The following ATP6V1C2 variants were observed in gnomAD, a reference collection of about 807,000 sequenced individuals.
ATP6V1C2 encodes the protein V-type proton ATPase subunit C 2.
In ATP6V1C2, 45 loss-of-function variants were observed where a neutral mutation model predicts 56.8. That is an observed-to-expected ratio of 0.79 (90% CI 0.62 to 1.02). The LOEUF (loss-of-function observed/expected upper bound fraction) is 1.02. Ranked by LOEUF, ATP6V1C2 falls within the 50% of genes least tolerant of loss-of-function variation. ATP6V1C2 has a pLI of 0.00. For synonymous variants in ATP6V1C2, 220 were observed against 201.3 expected (o/e 1.09, Z -0.79); for missense variants, 463 against 519.7 (o/e 0.89, Z 1.06).
At chr2:10,752,066 A>G (rs773791920) in intron 3 of ATP6V1C2, among the ~76,000 whole-genome samples, 6 of 152,010 alleles carry the variant, frequency 3.9e-5, no homozygotes, top group Admixed American at 2.0e-4. Context: ...CCTGCCTCAA[A>G]AAAAAAACAA....
At chr2:10,775,207 G>C (rs967692135) in intron 10 of ATP6V1C2, 136 bp downstream of exon 10, 5 of 700,624 alleles carry the variant, frequency 7.1e-6, no homozygotes, top group Non-Finnish European at 1.2e-5. Context: ...GGGACCGTCT[G>C]TTCTCATGGG....
chr2:10,772,734 T>C (rs1465692975), intron 8 of ATP6V1C2, 124 bp downstream of exon 8: 3 of 827,728 alleles, frequency 3.6e-6, no homozygotes, highest in Non-Finnish European at 6.2e-6. Flanking sequence ...CTGGGCCCTC[T>C]CCTGTCCCTT....
intron 10 of ATP6V1C2, 35 bp downstream of exon 10, chr2:10,775,106 A>C: frequency 6.6e-7 from 1 of 1,526,450 alleles, no homozygotes; most frequent in Non-Finnish European, 9.1e-7. Context: ...TCCCGCCCCT[A>C]CCCGGAGGCC....
chr2:10,767,811 T>G (rs1558416577), intron 5 of ATP6V1C2: 1 of 151,536 alleles, frequency 6.6e-6, no homozygotes, highest in African/African-American at 2.4e-5. Context: ...TAATTATATT[T>G]ATTTTATCTT....
intron 12 of ATP6V1C2, 30 bp from the exon 13 acceptor site, chr2:10,782,213 T>C (rs749013360): frequency 1.6e-5 from 25 of 1,612,262 alleles, no homozygotes; most frequent in African/African-American, 1.3e-4. Context: ...TTTGGAGCAG[T>C]GAACTGACAC....
At chr2:10,745,041 C>CTTTTTTTTTT (rs5829274) in intron 3 of ATP6V1C2, among the ~76,000 whole-genome samples, 18 of 113,302 alleles carry the variant, frequency 1.6e-4, no homozygotes, top group East Asian at 7.7e-4. Flanking sequence ...TATTTATTTT[C>CTTTTTTTTTT]TTTTTTTTTT....
At chr2:10,739,168 A>G (rs1662412052) in intron 3 of ATP6V1C2, among the ~76,000 whole-genome samples, 1 of 152,190 alleles carries the variant, frequency 6.6e-6, no homozygotes, top group Non-Finnish European at 1.5e-5. Flanking sequence ...CTGCAATCCC[A>G]GCTACTCGGG....
At chr2:10,738,280 C>T (rs1259429986) in intron 3 of ATP6V1C2, among the ~76,000 whole-genome samples, 1 of 152,156 alleles carries the variant, frequency 6.6e-6, no homozygotes, top group Non-Finnish European at 1.5e-5. Context: ...CTTTGCCTCC[C>T]CTGCCTTGAT....
intron 13 of ATP6V1C2, 142 bp from the exon 14 acceptor site, chr2:10,783,032 G>A (rs972675431): frequency 1.5e-5 from 9 of 597,838 alleles, no homozygotes; most frequent in African/African-American, 1.5e-4. Flanking sequence ...TTAAAGCACA[G>A]CAAGGAGAGG....
chr2:10,758,598 TAAAACAAAAC>T (rs558705642), intron 4 of ATP6V1C2, among the ~76,000 whole-genome samples: 7 of 151,748 alleles, frequency 4.6e-5, no homozygotes, highest in Admixed American at 6.6e-5. Context: ...CCTTGTCTCT[TAAAACAAAAC>T]AAAACAAAAC....
At position 10,759,198 on chromosome 2, in the gene ATP6V1C2, G is replaced by A. The variant is rs548707707; in HGVS notation, c.283+5132G>A. Among the ~76,000 whole-genome samples the A allele has an allele frequency of 3.3e-5, 5 of 152,308 alleles. No individual in the cohort carries two copies. The East Asian group carries it at 9.7e-4, about 29-fold the overall frequency. Reference sequence around the variant, plus strand: ...AGTTTCCTTTTCTCAACTGTAGATGGACTGAATGGCTTCAAAGGCTCTTGG... The same window carrying A: ...AGTTTCCTTTTCTCAACTGTAGATGAACTGAATGGCTTCAAAGGCTCTTGG... On this transcript the variant is annotated intron_variant, in intron 4 of 13. Coordinates refer to ENST00000272238, the MANE Select transcript of ATP6V1C2 (RefSeq NM_001039362.2).
At position 10,764,408 on chromosome 2, in the gene ATP6V1C2, G is replaced by A. The variant is rs765246344; in HGVS notation, c.361G>A (p.Val121Met). The change falls in exon 5 of 14, where the codon GTG (valine) becomes ATG (methionine). Residue 121 changes from valine to methionine, a missense_variant. Coordinates refer to ENST00000272238, the MANE Select transcript of ATP6V1C2 (RefSeq NM_001039362.2). ...TGTCAAGCAGCCGCTCGTGAGTGTG[G>A]TGGACACAATAGCCAAGGTGAGAAA... Reference protein sequence around the residue: ...YPVKQPLVSVVDTIAKQLAQI... With the variant: ...YPVKQPLVSVMDTIAKQLAQI... 24 of 1,613,960 alleles carry A rather than the reference G, an allele frequency of 1.5e-5. No individual in the cohort carries two copies. The South Asian group carries it at 2.3e-4, about 16-fold the overall frequency.
Position 10,738,994 on chromosome 2 carries a change from G to A in ATP6V1C2, c.197+12425G>A, listed in dbSNP as rs191250075. 7.0e-4 allele frequency among the ~76,000 whole-genome samples: 106 copies of A among 152,270 alleles called. No homozygotes were observed. In the East Asian group the frequency reaches 0.019, roughly 28 times the overall value. The stretch of plus-strand genomic sequence containing the variant: ...TTTGCAACAGACTCAGTTGTCTCCC[G>A]TTTCCCTTTCATTCATTTGCCCCAC... On this transcript the variant is annotated intron_variant, in intron 3 of 13. Coordinates refer to ENST00000272238, the MANE Select transcript of ATP6V1C2 (RefSeq NM_001039362.2).
chr2:10,760,787 G>A (rs1278782418), intron 4 of ATP6V1C2, among the ~76,000 whole-genome samples: 3 of 152,202 alleles, frequency 2.0e-5, no homozygotes, highest in African/African-American at 7.2e-5. Flanking sequence ...GGGTGCTTCA[G>A]ATGGAAAGGG....
chr2:10,770,780 C>G (rs984996540), intron 6 of ATP6V1C2, among the ~76,000 whole-genome samples: 2 of 152,226 alleles, frequency 1.3e-5, no homozygotes, highest in Admixed American at 6.5e-5. Flanking sequence ...GTTTCTAACT[C>G]CCTCCTCTGC....
chr2:10,762,783 G>A (rs1022242889), intron 4 of ATP6V1C2, among the ~76,000 whole-genome samples: 25 of 151,926 alleles, frequency 1.6e-4, no homozygotes, highest in Admixed American at 4.6e-4. Context: ...GAAAGCTGGC[G>A]TGGCCAGGCC....
At chr2:10,746,436 A>C (rs1662920843) in intron 3 of ATP6V1C2, among the ~76,000 whole-genome samples, 1 of 146,760 alleles carries the variant, frequency 6.8e-6, no homozygotes, top group African/African-American at 2.5e-5. Context: ...TTTTTGAGAC[A>C]GAGTCTCCCT....
rs775190256 is a variant in ATP6V1C2, at chr2:10,777,635, C to T, written c.876C>T (p.His292=). 2 of 1,614,146 alleles carry T rather than the reference C, an allele frequency of 1.2e-6. No homozygotes were observed. The highest frequency in any genetic ancestry group is 2.2e-5 in the East Asian group (1 of 44,886). Residue 292 remains histidine (H), a synonymous_variant, in exon 11 of 14, where the codon CAC becomes CAT. Coordinates refer to ENST00000272238, the MANE Select transcript of ATP6V1C2 (RefSeq NM_001039362.2). ...AGGGATCATCCACCTTCCCGGACCACAAGGTTAAGGTAACCCCGCTAGGTA... is the reference window on the plus strand; with the variant it reads ...AGGGATCATCCACCTTCCCGGACCATAAGGTTAAGGTAACCCCGCTAGGTA... The part of the protein sequence containing the change: ...LKKGSSTFPD[H]KVKVTPLGNP...
At chr2:10,783,118 G>T in intron 13 of ATP6V1C2, 56 bp from the exon 14 acceptor site, 1 of 1,416,374 alleles carries the variant, frequency 7.1e-7, no homozygotes, top group Non-Finnish European at 1.0e-6. Context: ...AAACTAAAAG[G>T]ATAAGACAGG....
Sources: gnomAD v4.1 joint callset for allele counts (sites outside exome capture counted in the v4.1 genomes callset) on GRCh38, gnomAD v4.1.1 for gene constraint, MANE v1.5 for transcripts, NCBI Gene and HGNC (gene_info 2026-07-23, HGNC 2026-07-21) for gene names.